Variants in GPHN observed in about 807,000 individuals in gnomAD.
GPHN encodes gephyrin.
Under a neutral mutation model 95.5 loss-of-function variants are expected in GPHN, and 17 were observed. The observed-to-expected ratio is 0.18, with a 90% CI of 0.12 to 0.27. The LOEUF (loss-of-function observed/expected upper bound fraction) is 0.27, where lower values mean the gene tolerates loss of function less well. Among genes scored for constraint, GPHN ranks in the 10% least tolerant of loss-of-function variants. The pLI, the probability that GPHN is intolerant of heterozygous loss-of-function variation, is 1.00. For synonymous variants in GPHN, 320 were observed against 322.5 expected (o/e 0.99, Z 0.08); for missense variants, 660 against 978.1 (o/e 0.67, Z 4.34).
chr14:67,612,665 G>A, the GPHN span, among the ~76,000 whole-genome samples: 2,005 of 152,222 alleles, frequency 0.013, 31 homozygotes, highest in African/African-American at 0.044. Context: ...GGCTGGGTGC[G>A]GTAGCTCACG....
At chr14:67,464,430 C>T in the GPHN span, among the ~76,000 whole-genome samples, 4 of 152,092 alleles carry the variant, frequency 2.6e-5, no homozygotes, top group African/African-American at 9.7e-5. Context: ...ACCCTCTGTC[C>T]CCCTGCCCCC....
the GPHN span, among the ~76,000 whole-genome samples, chr14:67,680,971 T>A: frequency 6.6e-6 from 1 of 152,214 alleles, no homozygotes; most frequent in Non-Finnish European, 1.5e-5. Context: ...CTTATATTTA[T>A]GGTCAATTGA....
intron 2 of GPHN, among the ~76,000 whole-genome samples, chr14:66,762,604 A>G (rs890436428): frequency 6.6e-6 from 1 of 151,952 alleles, no homozygotes; most frequent in African/African-American, 2.4e-5. Flanking sequence ...ACATTGTTCT[A>G]AGTAGCAGAC....
At chr14:66,942,547 A>G (rs2067487459) in intron 8 of GPHN, among the ~76,000 whole-genome samples, 1 of 152,220 alleles carries the variant, frequency 6.6e-6, no homozygotes, top group Non-Finnish European at 1.5e-5. Context: ...TAGAATCACC[A>G]TTGACAGAGA....
chr14:66,558,780 A>G (rs1315515797), intron 1 of GPHN, among the ~76,000 whole-genome samples: 6 of 151,894 alleles, frequency 4.0e-5, no homozygotes, highest in Non-Finnish European at 8.8e-5. Flanking sequence ...GTACCTGTGC[A>G]CAATGTGCAG....
At chr14:66,678,753 C>G (rs1174832265) in intron 1 of GPHN, among the ~76,000 whole-genome samples, 4 of 151,948 alleles carry the variant, frequency 2.6e-5, no homozygotes, top group Non-Finnish European at 5.9e-5. Context: ...GTAGACATAT[C>G]TATAGTGTCA....
At chr14:66,827,168 C>A (rs938321317) in intron 4 of GPHN, among the ~76,000 whole-genome samples, 1 of 151,986 alleles carries the variant, frequency 6.6e-6, no homozygotes, top group Non-Finnish European at 1.5e-5. Flanking sequence ...GCCTGTAATC[C>A]CAGCTACTTG....
At chr14:67,556,725 T>A in the GPHN span, among the ~76,000 whole-genome samples, 1 of 152,210 alleles carries the variant, frequency 6.6e-6, no homozygotes, top group East Asian at 1.9e-4. Flanking sequence ...TTATCTGTTT[T>A]AAAAAAATTT....
the GPHN span, among the ~76,000 whole-genome samples, chr14:67,237,769 T>C: frequency 6.6e-6 from 1 of 152,226 alleles, no homozygotes; most frequent in Non-Finnish European, 1.5e-5. Context: ...CTCCTGGTTT[T>C]ACAGTTAGGC....
chr14:67,274,498 A>G, the GPHN span, among the ~76,000 whole-genome samples: 1 of 152,136 alleles, frequency 6.6e-6, no homozygotes, highest in Admixed American at 6.6e-5. Context: ...TTTTGGTACC[A>G]GTAGCATGCT....
rs137934631 is a variant in GPHN at position 67,161,923 on chromosome 14, A to G, written c.1910+2435A>G. On this transcript the variant is annotated intron_variant, in intron 19 of 22. Transcript: ENST00000478722. Reference sequence around the variant, plus strand: ...CAATCTGTTATTTACCACTCACTTCAACTTTAGCAGTTCATCAATTCCTAA... The same window carrying G: ...CAATCTGTTATTTACCACTCACTTCGACTTTAGCAGTTCATCAATTCCTAA... 1.3e-4 allele frequency among the ~76,000 whole-genome samples: 20 copies of G among 152,308 alleles called. No individual in the cohort carries two copies. In the East Asian group the frequency reaches 3.9e-3, roughly 29 times the overall value.
the GPHN span, chr14:67,555,977 A>T: frequency 1.3e-6 from 2 of 1,504,668 alleles, no homozygotes; most frequent in African/African-American, 1.4e-5. Context: ...GGACACATAC[A>T]TCACCAGCAG....
the GPHN span, among the ~76,000 whole-genome samples, chr14:67,627,256 G>GATATATATATAT: frequency 0.02 from 2,607 of 133,480 alleles, 80 homozygotes; most frequent in African/African-American, 0.052. Flanking sequence ...TCAGTAAGGA[G>GATATATATATAT]ATATATATAT....
chr14:67,137,270 C>T (rs934809258), intron 17 of GPHN, among the ~76,000 whole-genome samples: 3 of 151,538 alleles, frequency 2.0e-5, no homozygotes, highest in Non-Finnish European at 4.4e-5. Flanking sequence ...CTCAGCCTCC[C>T]GAGTAGCTGG....
the GPHN span, among the ~76,000 whole-genome samples, chr14:67,552,487 G>A: frequency 6.6e-6 from 1 of 152,254 alleles, no homozygotes; most frequent in African/African-American, 2.4e-5. Context: ...AGAAGGACTG[G>A]CTGGGTGCGG....
At chr14:66,709,242 C>T (rs892758402) in intron 2 of GPHN, 12 of 367,958 alleles carry the variant, frequency 3.3e-5, no homozygotes, top group African/African-American at 2.3e-4. Flanking sequence ...TTCTTTTAAA[C>T]ATAAAATAGC....
At chr14:66,958,482 TC>T (rs945931368) in intron 8 of GPHN, among the ~76,000 whole-genome samples, 1 of 152,198 alleles carries the variant, frequency 6.6e-6, no homozygotes, top group Non-Finnish European at 1.5e-5. Flanking sequence ...TATGCAAATG[TC>T]ACAGAGTGAG....
intron 4 of GPHN, among the ~76,000 whole-genome samples, chr14:66,840,183 G>A (rs921520157): frequency 5.3e-5 from 8 of 152,112 alleles, no homozygotes; most frequent in Non-Finnish European, 7.4e-5. Context: ...GGAGGCTGAG[G>A]CAGGAGAATC....
the GPHN span, among the ~76,000 whole-genome samples, chr14:67,295,322 TA>T: frequency 1.1e-4 from 16 of 146,716 alleles, no homozygotes; most frequent in African/African-American, 1.2e-4. Context: ...TGGTCTCTAC[TA>T]AAAAAAAAAT....
Sources: allele counts gnomAD v4.1 joint callset (sites outside exome capture counted in the v4.1 genomes callset), GRCh38; gene constraint gnomAD v4.1.1; transcripts MANE v1.5; gene names NCBI Gene and HGNC (gene_info 2026-07-23, HGNC 2026-07-21).